ELP1: variants seen among roughly 807,000 people sequenced by gnomAD.
The protein encoded by ELP1 is elongator complex protein 1.
ELP1 carries 131 observed loss-of-function variants against 183.2 expected under a neutral mutation model. The observed-to-expected ratio is 0.72, with a 90% CI of 0.62 to 0.83. The LOEUF (loss-of-function observed/expected upper bound fraction) is 0.83, where lower values mean the gene tolerates loss of function less well. ELP1 is among the 40% of genes least tolerant of loss of function. The pLI is 0.00. For synonymous variants in ELP1, 555 were observed against 569.0 expected (o/e 0.98, Z 0.35); for missense variants, 1,550 against 1,594.9 (o/e 0.97, Z 0.48).
intron 14 of ELP1, among the ~76,000 whole-genome samples, chr9:108,905,983 G>A (rs1829004870): frequency 6.6e-6 from 1 of 152,024 alleles, no homozygotes; most frequent in South Asian, 2.1e-4. Context: ...ATGCTTGACA[G>A]TTATTAAAAT....
rs890678589 is a variant in ELP1, at chr9:108,868,940, CATAAA to C, written c.*170_*174del. 100 of 681,702 alleles carry C rather than the reference CATAAA, an allele frequency of 1.5e-4. No individual in the cohort carries two copies. The highest frequency in any genetic ancestry group is 7.6e-4 in the Middle Eastern group (2 of 2,638). The allele number at this position is 681,702 out of a possible 1,614,324, so 42.2% of individuals were successfully genotyped here. A position where few individuals can be genotyped will look rare whatever the true frequency, so the allele number is the denominator to read the frequency against. ...GCTAATGATCAAGATGTATACACAA[CATAAA>C]ATAAATAGAATTGCTTGTTGTCTGC... is the stretch of plus-strand genomic sequence containing the variant. On this transcript the variant is annotated 3_prime_UTR_variant, in exon 37 of 37. Coordinates refer to ENST00000374647, the MANE Select transcript of ELP1 (RefSeq NM_003640.5).
intron 8 of ELP1, among the ~76,000 whole-genome samples, 188 bp from the exon 9 acceptor site, chr9:108,917,858 G>C (rs145163665): frequency 1.6e-4 from 24 of 151,952 alleles, no homozygotes; most frequent in African/African-American, 5.8e-4. Context: ...TCCCACTGTG[G>C]GACTGTACTT....
chr9:108,905,278 G>C (rs187223060), intron 14 of ELP1, among the ~76,000 whole-genome samples: 166 of 152,306 alleles, frequency 1.1e-3, no homozygotes, highest in African/African-American at 3.9e-3. Context: ...CACCAGTAGG[G>C]CTTTAATTAC....
chr9:108,904,578 A>G (rs902153408), intron 14 of ELP1, among the ~76,000 whole-genome samples: 1 of 152,244 alleles, frequency 6.6e-6, no homozygotes, highest in Non-Finnish European at 1.5e-5. Flanking sequence ...AAATTTTGTG[A>G]GGATAAATTA....
chr9:108,896,702 C>T (rs1266838808), intron 24 of ELP1, 58 bp from the exon 25 acceptor site: 1 of 1,516,680 alleles, frequency 6.6e-7, no homozygotes, highest in Non-Finnish European at 9.2e-7. Flanking sequence ...AATCCACAGA[C>T]CTAACAACAT....
At position 108,880,633 on chromosome 9, in the gene ELP1, T is replaced by C. The variant is rs76174428; in HGVS notation, c.3347-468A>G. Among the ~76,000 whole-genome samples, 825 of 152,238 alleles carry C rather than the reference T, an allele frequency of 5.4e-3. 14 individuals are homozygous for C. Among genetic ancestry groups the C allele is most frequent in the East Asian group, 0.044 (230 of 5,178 alleles). On this transcript the variant is annotated intron_variant, in intron 31 of 36. Transcript: ENST00000374647. ...AAAATACACAAGAGAAAAATAACAC[T>C]AGTAGAATACATTTTAAAAAAGCAA...
chr9:108,887,728 T>C (rs916880910), intron 29 of ELP1, among the ~76,000 whole-genome samples: 1 of 152,168 alleles, frequency 6.6e-6, no homozygotes, highest in Non-Finnish European at 1.5e-5. Context: ...TAGGGTCTGT[T>C]GTTTTAAGCT....
chr9:108,905,817 T>C (rs1381611741), intron 14 of ELP1, among the ~76,000 whole-genome samples: 15 of 151,844 alleles, frequency 9.9e-5, no homozygotes, highest in Admixed American at 2.6e-4. Flanking sequence ...CTACAGGCAA[T>C]TGTAATACCA....
At chr9:108,879,179 G>A (rs1157516065) in intron 33 of ELP1, among the ~76,000 whole-genome samples, 3 of 152,188 alleles carry the variant, frequency 2.0e-5, no homozygotes, top group Non-Finnish European at 1.5e-5. Context: ...AAAATCAGAT[G>A]TTAATATAAA....
At chr9:108,893,377 A>T (rs1339960286) in intron 26 of ELP1, among the ~76,000 whole-genome samples, 1 of 152,182 alleles carries the variant, frequency 6.6e-6, no homozygotes, top group African/African-American at 2.4e-5. Context: ...TATTAGACAC[A>T]TGCACGCCTC....
rs1414061926 is a variant in ELP1, at chr9:108,912,266, C to A, written c.1187G>T (p.Gly396Val). Residue 396 changes from glycine to valine, a missense_variant and splice_region_variant, in exon 11 of 37, where the codon GGA becomes GTA. Physicochemically the swap from Gly to Val is moderately radical, Grantham distance 109. Coordinates refer to ENST00000374647, the MANE Select transcript of ELP1 (RefSeq NM_003640.5). ...SDLSNVAVID[G>V]NRVLVTVFRQ... Reference sequence around the variant, plus strand: ...GGACACACTTCCCAGGAGCTTACTTCCATCAATGACAGCCACATTGGACAA... The same window carrying A: ...GGACACACTTCCCAGGAGCTTACTTACATCAATGACAGCCACATTGGACAA... 1.2e-6 allele frequency: 2 copies of A among 1,613,260 alleles called. No homozygotes were observed. Among genetic ancestry groups the A allele is most frequent in the African/African-American group, 2.7e-5 (2 of 74,916 alleles).
intron 29 of ELP1, among the ~76,000 whole-genome samples, chr9:108,884,134 G>A (rs898541639): frequency 6.6e-6 from 1 of 152,072 alleles, no homozygotes; most frequent in Non-Finnish European, 1.5e-5. Context: ...AAAGCTGGAA[G>A]AATTATATTA....
At chr9:108,891,427 A>C (rs1022884364) in intron 27 of ELP1, 23 bp from the exon 28 acceptor site, 44 of 1,602,018 alleles carry the variant, frequency 2.7e-5, no homozygotes, top group Non-Finnish European at 3.4e-5. Flanking sequence ...GAGATTTAGG[A>C]CTGAGGAGGA....
intron 16 of ELP1, among the ~76,000 whole-genome samples, chr9:108,902,210 G>A (rs1451439240): frequency 6.6e-6 from 1 of 152,116 alleles, no homozygotes; most frequent in African/African-American, 2.4e-5. Flanking sequence ...TGGAGACAGA[G>A]CCTTCTTTTT....
chr9:108,912,786 G>T (rs139379561), intron 10 of ELP1, among the ~76,000 whole-genome samples: 65 of 134,622 alleles, frequency 4.8e-4, no homozygotes, highest in African/African-American at 1.8e-3. Context: ...ACAGAGTCTC[G>T]CTCTGCCGGC....
chr9:108,923,180 G>T (rs1169049039), intron 5 of ELP1, among the ~76,000 whole-genome samples: 9 of 152,108 alleles, frequency 5.9e-5, no homozygotes, highest in Admixed American at 5.9e-4. Context: ...GACCAGCCTG[G>T]GCAACATAGG....
intron 20 of ELP1, 139 bp downstream of exon 20, chr9:108,899,683 A>T: frequency 1.5e-6 from 1 of 645,906 alleles, no homozygotes; most frequent in Non-Finnish European, 2.7e-6. Flanking sequence ...AAAAAAAAAG[A>T]GCCTCTAAGA....
At chr9:108,928,097 T>C (rs1056661333) in intron 3 of ELP1, among the ~76,000 whole-genome samples, 6 of 152,228 alleles carry the variant, frequency 3.9e-5, no homozygotes, top group Non-Finnish European at 5.9e-5. Context: ...CTCCATGATG[T>C]GGTTATTTTG....
In ELP1 at chr9:108,900,269, A is replaced by C; in HGVS notation, c.2121T>G (p.Leu707=). The change falls in exon 19 of 37, where the codon CTT becomes CTG. Residue 707 remains leucine, a synonymous_variant. Transcript: ENST00000374647. The part of the protein sequence containing the change: ...IVTVVPQDTK[L]VLQMPRGNLE... ...TGAAAAACCAGCTTACCTGTAATACAAGCTTTGTGTCCTGGGGCACAACAG... is the reference window on the plus strand; with the variant it reads ...TGAAAAACCAGCTTACCTGTAATACCAGCTTTGTGTCCTGGGGCACAACAG... The C allele has an allele frequency of 6.2e-7, 1 of 1,612,986 alleles. No individual in the cohort carries two copies. Among genetic ancestry groups the C allele is most frequent in the Non-Finnish European group, 8.5e-7 (1 of 1,178,896 alleles).
Sources: allele counts gnomAD v4.1 joint callset (sites outside exome capture counted in the v4.1 genomes callset), GRCh38; gene constraint gnomAD v4.1.1; transcripts MANE v1.5; gene names NCBI Gene and HGNC (gene_info 2026-07-23, HGNC 2026-07-21).